Variants in ASTN2 observed in about 807,000 individuals in gnomAD.
The protein encoded by ASTN2 is astrotactin-2.
In ASTN2, 54 loss-of-function variants were observed where a neutral mutation model predicts 139.8. The ratio of observed to expected loss-of-function variants is 0.39; its 90% CI spans 0.31 to 0.48. The LOEUF (loss-of-function observed/expected upper bound fraction) is 0.48. Ranked by LOEUF, ASTN2 falls within the 20% of genes least tolerant of loss-of-function variation. The probability of loss-of-function intolerance (pLI) is 0.95; values close to 1 mark genes in which losing one functional copy is unlikely to be tolerated. For missense variants in ASTN2, 1,565 were observed against 1,725.1 expected, an observed-to-expected ratio of 0.91 and a Z score of 1.64; for synonymous variants, 756 against 719.5, an observed-to-expected ratio of 1.05 and a Z score of -0.81.
chr9:117,217,597 A>G (rs936239040), intron 2 of ASTN2, among the ~76,000 whole-genome samples: 6 of 152,150 alleles, frequency 3.9e-5, no homozygotes, highest in Non-Finnish European at 5.9e-5. Flanking sequence ...TGTGACCTTG[A>G]CCAGTTTATT....
intron 1 of ASTN2, among the ~76,000 whole-genome samples, chr9:117,364,300 T>C (rs549639795): frequency 6.6e-6 from 1 of 152,116 alleles, no homozygotes; most frequent in Non-Finnish European, 1.5e-5. Context: ...ATCAACCCAA[T>C]AAAGACCAAC....
intron 2 of ASTN2, among the ~76,000 whole-genome samples, chr9:117,275,806 G>A (rs930414028): frequency 3.3e-5 from 5 of 152,054 alleles, no homozygotes; most frequent in Admixed American, 3.3e-4. Flanking sequence ...TTATCCTCAA[G>A]TAATTCGCCT....
chr9:117,121,728 C>G (rs1181781452), intron 4 of ASTN2, among the ~76,000 whole-genome samples: 1 of 152,198 alleles, frequency 6.6e-6, no homozygotes, highest in Non-Finnish European at 1.5e-5. Context: ...GTTAAATCAT[C>G]TCATTGTTCT....
intron 13 of ASTN2, among the ~76,000 whole-genome samples, chr9:116,784,930 A>C (rs1830326291): frequency 1.6e-4 from 1 of 6,390 alleles, no homozygotes; most frequent in African/African-American, 4.7e-4. Context: ...ACTCCGCCTC[A>C]AAAAAAAAAA....
intron 5 of ASTN2, among the ~76,000 whole-genome samples, chr9:117,071,023 C>T (rs1828105936): frequency 6.7e-6 from 1 of 149,106 alleles, no homozygotes; most frequent in Non-Finnish European, 1.5e-5. Flanking sequence ...CAAAGTCATT[C>T]TCCATCCAGC....
intron 19 of ASTN2, among the ~76,000 whole-genome samples, chr9:116,528,572 A>C (rs1851193641): frequency 6.6e-6 from 1 of 152,188 alleles, no homozygotes; most frequent in Admixed American, 6.5e-5. Context: ...CATCAGCTGC[A>C]AAAAAATTGC....
In ASTN2 at chr9:116,699,634, T is replaced by C. The variant is rs761878106; in HGVS notation, c.2806+26137A>G. The C allele has an allele frequency of 6.8e-6, 11 of 1,614,200 alleles. No homozygotes were observed. Among genetic ancestry groups the C allele is most frequent in the Non-Finnish European group, 9.3e-6 (11 of 1,180,024 alleles). ...GCCCTAACTCCTAAGGGGCAGCTGC[T>C]GGTCTTGGACTGTTGGGATCATTGC... On this transcript the variant is annotated intron_variant, in intron 16 of 22. Transcript: ENST00000313400. The surrounding 1 kb of genome is among the most constrained non-coding windows in gnomAD (Gnocchi z 4.2).
chr9:116,617,067 G>A (rs976160733), intron 19 of ASTN2, among the ~76,000 whole-genome samples: 3 of 152,152 alleles, frequency 2.0e-5, no homozygotes, highest in Non-Finnish European at 4.4e-5. Flanking sequence ...AGTCTGTTCT[G>A]TCTCTTTCAG....
intron 19 of ASTN2, among the ~76,000 whole-genome samples, chr9:116,595,913 A>C (rs1854552573): frequency 6.6e-6 from 1 of 152,194 alleles, no homozygotes; most frequent in Admixed American, 6.5e-5. Flanking sequence ...ATGATCCAGC[A>C]ATCCCACTTC....
In ASTN2 at chr9:116,792,161, C is replaced by T. The variant is rs112409925; in HGVS notation, c.2396+13471G>A. Reference sequence around the variant, plus strand: ...TTTAAAAATGGATCCCAATTCCCTGCTCCCCATTAAAAAAATAATAATAAT... The same window carrying T: ...TTTAAAAATGGATCCCAATTCCCTGTTCCCCATTAAAAAAATAATAATAAT... On this transcript the variant is annotated intron_variant, in intron 13 of 22. Transcript: ENST00000313400. Among the ~76,000 whole-genome samples the T allele has an allele frequency of 1.9e-3, 292 of 152,204 alleles. 6 individuals carry two copies. The highest frequency in any genetic ancestry group is 6.5e-3 in the African/African-American group (270 of 41,524).
chr9:117,114,044 A>C (rs577206039), intron 4 of ASTN2, among the ~76,000 whole-genome samples: 1 of 152,178 alleles, frequency 6.6e-6, no homozygotes, highest in East Asian at 1.9e-4. Context: ...AATATAAGTA[A>C]AGCTTGAAAA....
intron 3 of ASTN2, among the ~76,000 whole-genome samples, chr9:117,150,403 A>C (rs903998453): frequency 7.2e-5 from 11 of 152,218 alleles, no homozygotes; most frequent in Admixed American, 6.5e-4. Context: ...GTTGGGCTGG[A>C]GTTGATACTA....
chr9:116,840,210 C>T (rs1454006568), intron 11 of ASTN2, among the ~76,000 whole-genome samples: 1 of 148,224 alleles, frequency 6.7e-6, no homozygotes, highest in Middle Eastern at 3.2e-3. Flanking sequence ...CACCGATCAA[C>T]AGGATCCCAA....
At chr9:116,498,975 C>T (rs1289700016) in intron 19 of ASTN2, among the ~76,000 whole-genome samples, 1 of 152,122 alleles carries the variant, frequency 6.6e-6, no homozygotes, top group Non-Finnish European at 1.5e-5. Context: ...GAGATTAGAG[C>T]TTCCATAACT....
chr9:117,393,182 C>A (rs934706554), intron 1 of ASTN2, among the ~76,000 whole-genome samples: 1 of 152,180 alleles, frequency 6.6e-6, no homozygotes, highest in African/African-American at 2.4e-5. Context: ...AATGTCTGAC[C>A]CTGAGCAGAA....
chr9:116,916,964 T>C (rs1053993224), intron 10 of ASTN2, among the ~76,000 whole-genome samples: 10 of 152,160 alleles, frequency 6.6e-5, no homozygotes, highest in Non-Finnish European at 1.3e-4. Context: ...GTTCCAGCCA[T>C]TGGGGCTGGA....
chr9:116,560,371 G>A (rs1852843306), intron 19 of ASTN2, among the ~76,000 whole-genome samples: 2 of 152,124 alleles, frequency 1.3e-5, no homozygotes, highest in Non-Finnish European at 2.9e-5. Flanking sequence ...CCCTTACGGA[G>A]CATCAAGCCA....
In ASTN2 at chr9:116,487,436, A is replaced by G; in HGVS notation, c.3420T>C (p.Gly1140=). The change falls in exon 20 of 23, where the codon GGT becomes GGC. Residue 1140 remains glycine (G), a synonymous_variant. Transcript: ENST00000313400. The stretch of plus-strand genomic sequence containing the variant: ...CTTCAGGGACCTCTCCATGGCTTCG[A>G]CCAGCTGCTACACAAGATGTGCCCA... ...SGLGTSCVAA[G]RSHGEVPEVS... The G allele has an allele frequency of 6.2e-7, 1 of 1,614,068 alleles. No individual in the cohort carries two copies. The highest frequency in any genetic ancestry group is 8.5e-7 in the Non-Finnish European group (1 of 1,179,982).
At chr9:116,824,146 C>T (rs1485201974) in intron 11 of ASTN2, among the ~76,000 whole-genome samples, 1 of 152,120 alleles carries the variant, frequency 6.6e-6, no homozygotes, top group African/African-American at 2.4e-5. Flanking sequence ...GTTGTATAAC[C>T]TTCAGGCAGT....
Sources: gnomAD v4.1 joint callset for allele counts (sites outside exome capture counted in the v4.1 genomes callset) on GRCh38, gnomAD v4.1.1 for gene constraint, Gnocchi (gnomAD v3.1) non-coding constraint, MANE v1.5 for transcripts, NCBI Gene and HGNC (gene_info 2026-07-23, HGNC 2026-07-21) for gene names.